EMB: variants seen among roughly 807,000 people sequenced by gnomAD.
EMB encodes the protein embigin.
Under a neutral mutation model 41.4 loss-of-function variants are expected in EMB, and 31 were observed. That is an observed-to-expected ratio of 0.75 (90% CI 0.56 to 1.01). The LOEUF (loss-of-function observed/expected upper bound fraction) is 1.01. Among genes scored for constraint, EMB ranks in the 50% least tolerant of loss-of-function variants. The pLI is 0.00. For missense variants in EMB, 379 were observed against 388.3 expected, an observed-to-expected ratio of 0.98 and a Z score of 0.20; for synonymous variants, 137 against 140.4, an observed-to-expected ratio of 0.98 and a Z score of 0.17.
chr5:50,440,944 C>T (rs1239416604), intron 1 of EMB, 96 bp downstream of exon 1: 1 of 907,572 alleles, frequency 1.1e-6, no homozygotes, highest in African/African-American at 1.7e-5. Context: ...CTCCCCGCCA[C>T]CCTTGCCCGG....
Position 50,406,413 on chromosome 5 carries a change from A to AAT in EMB, c.473-563_473-562dup, listed in dbSNP as rs376636127. On this transcript the variant is annotated intron_variant, in intron 4 of 8. Coordinates refer to ENST00000303221, the MANE Select transcript of EMB (RefSeq NM_198449.3). ...AAAATTCTTTCATGTGGTTTTGTAA[A>AAT]ATATATATATATATACACTAATATC... 1.6e-3 allele frequency among the ~76,000 whole-genome samples: 248 copies of AAT among 150,554 alleles called. 2 individuals carry two copies. The highest frequency in any genetic ancestry group is 2.3e-3 in the Non-Finnish European group (153 of 67,416).
intron 2 of EMB, among the ~76,000 whole-genome samples, chr5:50,413,061 C>T (rs114806182): frequency 3.9e-5 from 6 of 152,000 alleles, no homozygotes; most frequent in Non-Finnish European, 5.9e-5. Context: ...TACATACACA[C>T]GCGCCCACGC....
Position 50,428,134 on chromosome 5 carries a change from A to T in EMB, c.196+10T>A. ...TTCGAATTGCATTATTTGAAACATG[A>T]TACATTTACCAGTCAGTGATATGTT... On this transcript the variant is annotated intron_variant, in intron 2 of 8. Coordinates refer to ENST00000303221, the MANE Select transcript of EMB (RefSeq NM_198449.3). The T allele has an allele frequency of 6.4e-7, 1 of 1,569,006 alleles. No homozygotes were observed. The highest frequency in any genetic ancestry group is 8.7e-7 in the Non-Finnish European group (1 of 1,146,972).
In EMB at chr5:50,399,287, A is replaced by T. The variant is rs746949796; in HGVS notation, c.970T>A (p.Ser324Thr). The T allele has an allele frequency of 6.2e-7, 1 of 1,607,658 alleles. No homozygotes were observed. Among genetic ancestry groups the T allele is most frequent in the Admixed American group, 1.7e-5 (1 of 59,398 alleles). Residue 324 changes from serine (S) to threonine (T), a missense_variant, in exon 9 of 9, where the codon TCT (serine) becomes ACT (threonine). Coordinates refer to ENST00000303221, the MANE Select transcript of EMB (RefSeq NM_198449.3). ...NNVPRHRKNE[S>T]LGQ ...ATGTTTTGTATTCACTGGCCCAGAGACTCCTGAGTTAAATAAAGCATAATC... is the reference window on the plus strand; with the variant it reads ...ATGTTTTGTATTCACTGGCCCAGAGTCTCCTGAGTTAAATAAAGCATAATC...
chr5:50,419,151 G>A (rs1216558828), intron 2 of EMB, among the ~76,000 whole-genome samples: 1 of 152,164 alleles, frequency 6.6e-6, no homozygotes, highest in Admixed American at 6.6e-5. Context: ...CCAGTCCCTG[G>A]CCCTGTATGC....
intron 2 of EMB, among the ~76,000 whole-genome samples, chr5:50,415,243 T>C (rs1745410408): frequency 6.6e-6 from 1 of 152,172 alleles, no homozygotes; most frequent in East Asian, 1.9e-4. Context: ...CCAGGTAAAT[T>C]ATCTAATTTC....
chr5:50,405,568 T>C (rs1305227857), intron 5 of EMB, among the ~76,000 whole-genome samples, 157 bp downstream of exon 5: 1 of 151,934 alleles, frequency 6.6e-6, no homozygotes, highest in South Asian at 2.1e-4. Context: ...ATGACAACTC[T>C]GTTTGTCACT....
intron 1 of EMB, among the ~76,000 whole-genome samples, chr5:50,429,969 TC>T (rs776701267): frequency 0.58 from 73,216 of 126,750 alleles, 19,085 homozygotes; most frequent in African/African-American, 0.72. Flanking sequence ...CAACTCTCTT[TC>T]TCTCTCTCTC....
At chr5:50,419,671 CT>C (rs1745486124) in intron 2 of EMB, among the ~76,000 whole-genome samples, 2 of 152,124 alleles carry the variant, frequency 1.3e-5, no homozygotes, top group African/African-American at 4.8e-5. Flanking sequence ...CCTTCATCTC[CT>C]TTCCCCATCA....
chr5:50,440,713 A>C (rs1350882215), intron 1 of EMB, among the ~76,000 whole-genome samples: 1 of 151,984 alleles, frequency 6.6e-6, no homozygotes, highest in Non-Finnish European at 1.5e-5. Context: ...TGGTCCCTGC[A>C]ACCACCCACA....
chr5:50,403,151 A>C (rs1745192768), intron 6 of EMB, 27 bp downstream of exon 6: 12 of 1,419,318 alleles, frequency 8.5e-6, no homozygotes, highest in South Asian at 4.1e-5. Context: ...TCTAAAAAAA[A>C]CAAAAAACAA....
At chr5:50,428,029 C>T (rs1276250600) in intron 2 of EMB, 115 bp downstream of exon 2, 1 of 673,980 alleles carries the variant, frequency 1.5e-6, no homozygotes, top group Middle Eastern at 2.9e-4. Context: ...TGTTTTCCCA[C>T]CAGGCCAGGA....
intron 5 of EMB, 112 bp from the exon 6 acceptor site, chr5:50,403,566 A>G: frequency 1.7e-6 from 2 of 1,194,090 alleles, no homozygotes; most frequent in Non-Finnish European, 1.2e-6. Flanking sequence ...TTACTAGAGA[A>G]AGGCATATTA....
At position 50,428,227 on chromosome 5, in the gene EMB, T is replaced by C. The variant is rs140130789; in HGVS notation, c.113A>G (p.Asp38Gly). The C allele has an allele frequency of 3.1e-6, 5 of 1,605,818 alleles. No homozygotes were observed. The South Asian group carries it at 4.4e-5, about 14-fold the overall frequency. ...GAGAGGTGGACTTGTAAAAGGCGAA[T>C]CTATAAGAGAAAGAACACATGATTA... ...RPSSADGSAP[D>G]SPFTSPPLRE... Residue 38 changes from aspartate (D) to glycine (G), a missense_variant and splice_region_variant, in exon 2 of 9, where the codon GAT (aspartate) becomes GGT (glycine). Asp to Gly is a moderately conservative substitution (Grantham distance 94, BLOSUM62 -1). Coordinates refer to ENST00000303221, the MANE Select transcript of EMB (RefSeq NM_198449.3).
At chr5:50,409,921 A>G (rs576837548) in intron 4 of EMB, among the ~76,000 whole-genome samples, 1 of 152,222 alleles carries the variant, frequency 6.6e-6, no homozygotes, top group East Asian at 1.9e-4. Flanking sequence ...CATTGGAACA[A>G]TTACAAAGAC....
At chr5:50,440,589 G>A (rs1745886959) in intron 1 of EMB, among the ~76,000 whole-genome samples, 1 of 150,810 alleles carries the variant, frequency 6.6e-6, no homozygotes, top group Non-Finnish European at 1.5e-5. Flanking sequence ...CCTGCCAAGA[G>A]GAGGGAAGGA....
chr5:50,405,806 C>A lies in EMB; in HGVS notation c.519G>T (p.Gly173=), dbSNP rs1463412908. ...GKNKPLISYV[G]DSTVLTCKCQ... is the part of the protein sequence containing the mutation. ...ATTTACATGTCAAGACAGTAGAATC[C>A]CCTACGTAAGAGATCAATGGCTTGT... Residue 173 remains glycine (G), a synonymous_variant, in exon 5 of 9, where the codon GGG becomes GGT. Transcript: ENST00000303221. 1 of 1,602,110 alleles carries A rather than the reference C, an allele frequency of 6.2e-7. No individual in the cohort carries two copies. Among genetic ancestry groups the A allele is most frequent in the Non-Finnish European group, 8.5e-7 (1 of 1,174,982 alleles).
intron 2 of EMB, among the ~76,000 whole-genome samples, chr5:50,415,530 T>C (rs1033940639): frequency 1.3e-5 from 2 of 152,196 alleles, no homozygotes; most frequent in African/African-American, 2.4e-5. Flanking sequence ...GGGAATATTA[T>C]AAAAACTATC....
At position 50,404,990 on chromosome 5, in the gene EMB, C is replaced by T. The variant is rs533388881; in HGVS notation, c.600+735G>A. Among the ~76,000 whole-genome samples the T allele has an allele frequency of 1.6e-4, 25 of 151,996 alleles. 1 individual carries two copies. The highest frequency in any genetic ancestry group is 6.0e-4 in the African/African-American group (25 of 41,498). ...TTCTACAATTATAGCTTGCCTTTAA[C>T]GGGACTTTAATTGTAATGCTTCTTA... On this transcript the variant is annotated intron_variant, in intron 5 of 8. Coordinates refer to ENST00000303221, the MANE Select transcript of EMB (RefSeq NM_198449.3).
Sources: gnomAD v4.1 joint callset for allele counts (sites outside exome capture counted in the v4.1 genomes callset) on GRCh38, gnomAD v4.1.1 for gene constraint, MANE v1.5 for transcripts, NCBI Gene and HGNC (gene_info 2026-07-23, HGNC 2026-07-21) for gene names.